The following ELOVL2 variants were observed in gnomAD, a reference collection of about 807,000 sequenced individuals.
The protein encoded by ELOVL2 is very long chain fatty acid elongase 2.
Under a neutral mutation model 37.7 loss-of-function variants are expected in ELOVL2, and 38 were observed. That is an observed-to-expected ratio of 1.01 (90% CI 0.78 to 1.32). The LOEUF (loss-of-function observed/expected upper bound fraction) is 1.32, where lower values mean the gene tolerates loss of function less well. Among genes scored for constraint, ELOVL2 ranks in the 40% most tolerant of loss-of-function variants. The pLI is 0.00. For synonymous variants in ELOVL2, 115 were observed against 122.3 expected (o/e 0.94, Z 0.40); for missense variants, 352 against 363.6 (o/e 0.97, Z 0.26).
In ELOVL2 at chr6:10,983,805, T is replaced by G. The variant is rs768096314; in HGVS notation, c.867A>C (p.Gly289=). Residue 289 remains glycine, a synonymous_variant, in exon 8 of 8, where the codon GGA becomes GGC. Coordinates refer to ENST00000354666, the MANE Select transcript of ELOVL2 (RefSeq NM_017770.4). ...TTTATTGTGCTTTCTTGTTCATCAC[T>G]CCATTTGCTGCAGTGAAGTAGGCTT... ...FSKAYFTAAN[G]VMNKKAQ is the part of the protein sequence containing the mutation. 1 of 1,612,016 alleles carries G rather than the reference T, an allele frequency of 6.2e-7. No individual in the cohort carries two copies. The highest frequency in any genetic ancestry group is 8.5e-7 in the Non-Finnish European group (1 of 1,179,462).
chr6:10,985,502 A>G (rs1782034224), intron 7 of ELOVL2, among the ~76,000 whole-genome samples: 1 of 140,370 alleles, frequency 7.1e-6, no homozygotes, highest in African/African-American at 2.8e-5. Context: ...TAAGTCTTTA[A>G]TCCATCTTGA....
intron 1 of ELOVL2, among the ~76,000 whole-genome samples, chr6:11,013,726 G>A (rs1422886435): frequency 6.6e-6 from 1 of 152,074 alleles, no homozygotes; most frequent in East Asian, 1.9e-4. Flanking sequence ...GCGGATGCAG[G>A]ATGGGTTTTT....
chr6:10,992,806 A>G (rs577603984), intron 5 of ELOVL2, among the ~76,000 whole-genome samples: 1 of 138,404 alleles, frequency 7.2e-6, no homozygotes, highest in South Asian at 2.2e-4. Flanking sequence ...AAAACAAAAA[A>G]AAACAAAAAA....
At chr6:11,035,003 C>CTAAA (rs547206935) in intron 1 of ELOVL2, among the ~76,000 whole-genome samples, 60 of 151,972 alleles carry the variant, frequency 3.9e-4, no homozygotes, top group East Asian at 7.7e-4. Context: ...ACTCTTGTCT[C>CTAAA]TAAATAAATA....
chr6:10,987,415 C>T (rs924674165), intron 7 of ELOVL2, among the ~76,000 whole-genome samples: 1 of 152,048 alleles, frequency 6.6e-6, no homozygotes. Context: ...TGCTCTTGCT[C>T]TTCTAGTTCT....
intron 1 of ELOVL2, among the ~76,000 whole-genome samples, chr6:11,034,933 A>G (rs996370665): frequency 6.6e-6 from 1 of 151,416 alleles, no homozygotes; most frequent in Non-Finnish European, 1.5e-5. Flanking sequence ...AATCCAGGAG[A>G]TGGAGGTTGC....
chr6:11,043,875 C>T, intron 1 of ELOVL2: 1 of 214,604 alleles, frequency 4.7e-6, no homozygotes, highest in Non-Finnish European at 9.2e-6. Context: ...GGAATGGCCG[C>T]CGCGAAGGAG....
intron 1 of ELOVL2, among the ~76,000 whole-genome samples, chr6:11,038,062 A>G (rs2113568285): frequency 6.6e-6 from 1 of 152,294 alleles, no homozygotes. Context: ...TTTTGGATTG[A>G]GAATATTTAG....
At chr6:11,013,024 T>C (rs1581872833) in intron 1 of ELOVL2, among the ~76,000 whole-genome samples, 1 of 152,340 alleles carries the variant, frequency 6.6e-6, no homozygotes, top group East Asian at 1.9e-4. Flanking sequence ...GGCTGAATTT[T>C]GAAAGACTGG....
chr6:11,007,854 A>T (rs1282942161), intron 2 of ELOVL2, among the ~76,000 whole-genome samples: 1 of 152,232 alleles, frequency 6.6e-6, no homozygotes, highest in Non-Finnish European at 1.5e-5. Context: ...AGTCAAGCAC[A>T]TACTGCAAAC....
chr6:11,022,992 A>G lies in ELOVL2; in HGVS notation c.4-12183T>C, dbSNP rs558229262. Among the ~76,000 whole-genome samples, 6 of 152,378 alleles carry G rather than the reference A, an allele frequency of 3.9e-5. No homozygotes were observed. The South Asian group carries it at 1.0e-3, about 26-fold the overall frequency. ...TCAAGTGAATAAAATGAAATCTGCC[A>G]AAGCTTCAATTTCATAATTAGAAAT... On this transcript the variant is annotated intron_variant, in intron 1 of 7. Transcript: ENST00000354666.
chr6:11,036,569 T>C (rs73442784), intron 1 of ELOVL2, among the ~76,000 whole-genome samples: 14,191 of 152,116 alleles, frequency 0.093, 2,004 homozygotes, highest in African/African-American at 0.3. Context: ...GCCAACTGAG[T>C]ATTTTTCTGA....
chr6:10,986,980 G>A (rs1353585990), intron 7 of ELOVL2, among the ~76,000 whole-genome samples: 3 of 152,072 alleles, frequency 2.0e-5, no homozygotes, highest in Admixed American at 6.6e-5. Flanking sequence ...ATCTGGTCCT[G>A]GACTCTTTTT....
intron 1 of ELOVL2, among the ~76,000 whole-genome samples, chr6:11,026,533 G>A (rs927137567): frequency 1.3e-5 from 2 of 152,166 alleles, no homozygotes; most frequent in African/African-American, 2.4e-5. Context: ...GGACATGGGA[G>A]TGAAGTGTTG....
At chr6:11,022,942 AT>A (rs1212104628) in intron 1 of ELOVL2, among the ~76,000 whole-genome samples, 3 of 152,376 alleles carry the variant, frequency 2.0e-5, no homozygotes, top group Admixed American at 1.3e-4. Flanking sequence ...TCTCATTAGA[AT>A]ATATAAAATA....
chr6:10,987,837 G>GCATATCCTTC (rs1782077863), intron 7 of ELOVL2, among the ~76,000 whole-genome samples: 1 of 151,316 alleles, frequency 6.6e-6, no homozygotes, highest in Non-Finnish European at 1.5e-5. Flanking sequence ...CTAGTTTTTG[G>GCATATCCTTC]CATATCCTTC....
intron 5 of ELOVL2, among the ~76,000 whole-genome samples, chr6:10,994,442 T>C (rs1782226354): frequency 7.1e-6 from 1 of 141,006 alleles, no homozygotes; most frequent in African/African-American, 2.7e-5. Context: ...CACTCCAGCC[T>C]GGGCAACAAG....
chr6:11,039,244 A>T (rs1783062147), intron 1 of ELOVL2, among the ~76,000 whole-genome samples: 1 of 152,254 alleles, frequency 6.6e-6, no homozygotes, highest in South Asian at 2.1e-4. Context: ...TGGAGCTAGT[A>T]AACAATAAAG....
chr6:10,994,073 A>G (rs1327282131), intron 5 of ELOVL2, among the ~76,000 whole-genome samples: 5 of 151,376 alleles, frequency 3.3e-5, no homozygotes, highest in Admixed American at 3.3e-4. Context: ...TTAACTAGGA[A>G]GATGGCTTGA....
Sources: allele counts gnomAD v4.1 joint callset (sites outside exome capture counted in the v4.1 genomes callset), GRCh38; gene constraint gnomAD v4.1.1; transcripts MANE v1.5; gene names NCBI Gene and HGNC (gene_info 2026-07-23, HGNC 2026-07-21).